The following ADAMTS9 variants were observed in gnomAD, a reference collection of about 807,000 sequenced individuals.
The protein encoded by ADAMTS9 is A disintegrin and metalloproteinase with thrombospondin motifs 9.
In ADAMTS9, 107 loss-of-function variants were observed where a neutral mutation model predicts 257.1. The ratio of observed to expected loss-of-function variants is 0.42; its 90% CI spans 0.36 to 0.49. The LOEUF is 0.49. Ranked by LOEUF, ADAMTS9 falls within the 20% of genes least tolerant of loss-of-function variation. The pLI, the probability that ADAMTS9 is intolerant of heterozygous loss-of-function variation, is 0.03. For synonymous variants in ADAMTS9, 982 were observed against 880.9 expected (o/e 1.11, Z -2.03); for missense variants, 2,353 against 2,469.1 (o/e 0.95, Z 1.00).
chr3:64,648,718 A>G (rs1333556843), intron 10 of ADAMTS9, among the ~76,000 whole-genome samples: 2 of 152,128 alleles, frequency 1.3e-5, no homozygotes, highest in Admixed American at 6.5e-5. Context: ...TACTTCATAA[A>G]ATTGTTTATC....
chr3:64,598,107 C>A (rs2084396297), intron 26 of ADAMTS9, among the ~76,000 whole-genome samples: 1 of 152,118 alleles, frequency 6.6e-6, no homozygotes, highest in Non-Finnish European at 1.5e-5. Context: ...CTGTTAATTT[C>A]CCTGCCCATG....
intron 12 of ADAMTS9, among the ~76,000 whole-genome samples, chr3:64,636,223 T>C (rs993142377): frequency 6.6e-6 from 1 of 152,222 alleles, no homozygotes; most frequent in Non-Finnish European, 1.5e-5. Context: ...CTTTGCTTGC[T>C]TTGACCACTA....
chr3:64,622,096 T>C (rs2106864634), intron 18 of ADAMTS9, 102 bp downstream of exon 18: 1 of 1,246,568 alleles, frequency 8.0e-7, no homozygotes, highest in Non-Finnish European at 1.1e-6. Context: ...CGTATGCAGA[T>C]AGAAGGGTTT....
intron 11 of ADAMTS9, among the ~76,000 whole-genome samples, chr3:64,643,576 C>T (rs1407238243): frequency 6.6e-6 from 1 of 151,228 alleles, no homozygotes; most frequent in Non-Finnish European, 1.5e-5. Context: ...CCTCAGCCTC[C>T]CAAGTAGCTG....
chr3:64,656,017 A>T, intron 4 of ADAMTS9, 142 bp from the exon 5 acceptor site: 1 of 557,290 alleles, frequency 1.8e-6, no homozygotes, highest in Non-Finnish European at 3.2e-6. Context: ...TCATTCACTC[A>T]ACAACACTTT....
At chr3:64,607,671 G>GCTCCAAGAATTGGTCCCTCCA (rs1438951256) in intron 22 of ADAMTS9, among the ~76,000 whole-genome samples, 3 of 152,152 alleles carry the variant, frequency 2.0e-5, no homozygotes, top group Non-Finnish European at 4.4e-5. Flanking sequence ...AGACTAGGGA[G>GCTCCAAGAATTGGTCCCTCCA]CTCCAAGAAT....
chr3:64,655,420 A>G (rs545636266), intron 6 of ADAMTS9, among the ~76,000 whole-genome samples, 156 bp downstream of exon 6: 3 of 152,320 alleles, frequency 2.0e-5, no homozygotes, highest in African/African-American at 7.2e-5. Flanking sequence ...GCTGTTAAAC[A>G]TCTTGCAATG....
At chr3:64,626,831 A>G (rs1019933225) in intron 16 of ADAMTS9, among the ~76,000 whole-genome samples, 2 of 152,174 alleles carry the variant, frequency 1.3e-5, no homozygotes, top group African/African-American at 2.4e-5. Context: ...CTTCCAGCCA[A>G]ATGACTCTTT....
At chr3:64,629,818 A>G (rs935528316) in intron 16 of ADAMTS9, among the ~76,000 whole-genome samples, 9 of 152,350 alleles carry the variant, frequency 5.9e-5, no homozygotes, top group African/African-American at 1.9e-4. Context: ...TAGTGATAGC[A>G]AATGCCATAA....
intron 8 of ADAMTS9, among the ~76,000 whole-genome samples, chr3:64,652,329 A>G (rs1321288731): frequency 6.6e-6 from 1 of 152,234 alleles, no homozygotes; most frequent in Non-Finnish European, 1.5e-5. Context: ...CAATAGAGAC[A>G]GAAAAACTCG....
chr3:64,563,947 G>T (rs1367182690), intron 29 of ADAMTS9, among the ~76,000 whole-genome samples: 1 of 152,198 alleles, frequency 6.6e-6, no homozygotes, highest in East Asian at 1.9e-4. Context: ...AGCCAGCCAG[G>T]CTTGCTTGGA....
chr3:64,679,497 T>C (rs897721862), intron 3 of ADAMTS9, among the ~76,000 whole-genome samples: 5 of 152,208 alleles, frequency 3.3e-5, no homozygotes, highest in Non-Finnish European at 7.3e-5. Context: ...AGGTGGTACA[T>C]GTACAGTGCT....
chr3:64,555,227 A>G (rs1304120645), intron 30 of ADAMTS9, among the ~76,000 whole-genome samples: 1 of 152,214 alleles, frequency 6.6e-6, no homozygotes, highest in East Asian at 1.9e-4. Context: ...CAACAACGAA[A>G]AAAGCAGTCC....
chr3:64,665,954 T>G (rs1306771227), intron 3 of ADAMTS9, among the ~76,000 whole-genome samples: 1 of 152,190 alleles, frequency 6.6e-6, no homozygotes, highest in Non-Finnish European at 1.5e-5. Context: ...TTAAAAAAAT[T>G]CACTCGTGGA....
intron 3 of ADAMTS9, among the ~76,000 whole-genome samples, chr3:64,671,701 C>CCACT (rs1358144647): frequency 6.6e-6 from 1 of 152,120 alleles, no homozygotes; most frequent in Non-Finnish European, 1.5e-5. Context: ...TTCTCAAAGC[C>CCACT]CACTACTCAG....
Position 64,629,676 on chromosome 3 carries a change from A to C in ADAMTS9, c.2389+1779T>G, listed in dbSNP as rs75836982. On this transcript the variant is annotated intron_variant, in intron 16 of 39. Coordinates refer to ENST00000498707, the MANE Select transcript of ADAMTS9 (RefSeq NM_182920.2). ...TTTCTTATCTATCAGGTTACTGTTTATTGCCTATTGTTTATTGTCCCACTA... is the reference window on the plus strand; with the variant it reads ...TTTCTTATCTATCAGGTTACTGTTTCTTGCCTATTGTTTATTGTCCCACTA... Among the ~76,000 whole-genome samples the C allele has an allele frequency of 3.3e-3, 507 of 152,330 alleles. 13 individuals carry two copies. In the East Asian group the frequency reaches 0.046, roughly 14 times the overall value.
At chr3:64,662,459 T>A (rs1701248406) in intron 3 of ADAMTS9, among the ~76,000 whole-genome samples, 1 of 152,136 alleles carries the variant, frequency 6.6e-6, no homozygotes. Flanking sequence ...CTTGTCAATC[T>A]TCTGCCTGGC....
chr3:64,608,258 C>CAAAAAAAAAAAAAAAAAAAAAGAAAAACA (rs57247914), intron 22 of ADAMTS9, among the ~76,000 whole-genome samples: 1 of 53,316 alleles, frequency 1.9e-5, no homozygotes, highest in African/African-American at 6.7e-5. Context: ...AAACTAAAAC[C>CAAAAAAAAAAAAAAAAAAAAAGAAAAACA]AAAAAAAAAA....
rs1345800141 is a variant in ADAMTS9 at position 64,686,330 on chromosome 3, C to T, written c.516+238G>A. 1.3e-5 allele frequency among the ~76,000 whole-genome samples: 2 copies of T among 152,270 alleles called. No individual in the cohort carries two copies. The highest frequency in any genetic ancestry group is 4.8e-5 in the African/African-American group (2 of 41,472). On this transcript the variant is annotated intron_variant, in intron 2 of 39. Coordinates refer to ENST00000498707, the MANE Select transcript of ADAMTS9 (RefSeq NM_182920.2). This position sits in a 1 kb window ranked among gnomAD's most constrained non-coding sequence, Gnocchi z 4.6. ...AACGCGCCGCTGAACCGAGTCCAAA[C>T]TCCAGAAAGCTCTGAAACATCCAGA...
Sources: allele counts gnomAD v4.1 joint callset (sites outside exome capture counted in the v4.1 genomes callset), GRCh38; gene constraint gnomAD v4.1.1; non-coding constraint Gnocchi (gnomAD v3.1); transcripts MANE v1.5; gene names NCBI Gene and HGNC (gene_info 2026-07-23, HGNC 2026-07-21).